The following CNNM2 variants were observed in gnomAD, a reference collection of about 807,000 sequenced individuals.
CNNM2 encodes the protein cyclin and CBS domain divalent metal cation transport mediator 2, also known as metal transporter CNNM2.
CNNM2 carries 12 observed loss-of-function variants against 66.9 expected under a neutral mutation model. The observed-to-expected ratio is 0.18, with a 90% CI of 0.11 to 0.29. CNNM2 has a LOEUF of 0.29. Ranked by LOEUF, CNNM2 falls within the 10% of genes least tolerant of loss-of-function variation. The pLI, the probability that CNNM2 is intolerant of heterozygous loss-of-function variation, is 1.00. For missense variants in CNNM2, 705 were observed against 1,167.7 expected (o/e 0.60, Z 5.77); for synonymous variants, 557 against 501.8 (o/e 1.11, Z -1.47).
At position 102,919,590 on chromosome 10, in the gene CNNM2, T is replaced by C. The variant is rs1322147471; in HGVS notation, c.1110T>C (p.Ala370=). 3.1e-6 allele frequency: 5 copies of C among 1,613,608 alleles called. No individual in the cohort carries two copies. In the Admixed American group the frequency reaches 8.3e-5, roughly 27 times the overall value. The change falls in exon 1 of 8, where the codon GCT becomes GCC. Residue 370 remains alanine, a synonymous_variant. Coordinates refer to ENST00000369878, the MANE Select transcript of CNNM2 (RefSeq NM_017649.5). ...CCATCTGCTCCCGGCATGGCCTGGC[T>C]GTGGGGGCCAACACCATCTTCCTCA... ...PQAICSRHGL[A]VGANTIFLTK... is the part of the protein sequence containing the mutation.
chr10:103,009,109 T>C (rs1275924728), intron 1 of CNNM2, among the ~76,000 whole-genome samples: 1 of 152,072 alleles, frequency 6.6e-6, no homozygotes, highest in Non-Finnish European at 1.5e-5. Flanking sequence ...AAACCCTGTC[T>C]CTACTAAAAA....
chr10:103,018,965 C>G (rs1415107158), intron 1 of CNNM2, among the ~76,000 whole-genome samples: 1 of 148,982 alleles, frequency 6.7e-6, no homozygotes, highest in African/African-American at 2.4e-5. Context: ...CTGTTTACTC[C>G]TTTCTTAAAA....
intron 1 of CNNM2, among the ~76,000 whole-genome samples, chr10:102,956,205 G>T (rs528284708): frequency 5.3e-5 from 8 of 150,772 alleles, no homozygotes; most frequent in Non-Finnish European, 1.0e-4. Flanking sequence ...GGAGAATGGC[G>T]TGAACCCAGG....
intron 1 of CNNM2, among the ~76,000 whole-genome samples, chr10:103,026,989 G>A (rs1303972746): frequency 6.6e-6 from 1 of 152,174 alleles, no homozygotes; most frequent in Non-Finnish European, 1.5e-5. Flanking sequence ...ATTCATGACT[G>A]GCCATATTGA....
chr10:102,919,642 C>T lies in CNNM2; in HGVS notation c.1162C>T (p.Pro388Ser). The change falls in exon 1 of 8, where the codon CCC (proline) becomes TCC (serine). Residue 388 changes from proline (P) to serine (S), a missense_variant. Transcript: ENST00000369878. ...LTKFFMMMTF[P>S]ASYPVSKLLD... is the part of the protein sequence containing the mutation. Reference sequence around the variant, plus strand: ...CAAGTTTTTCATGATGATGACCTTCCCCGCTTCCTACCCGGTCAGCAAGCT... The same window carrying T: ...CAAGTTTTTCATGATGATGACCTTCTCCGCTTCCTACCCGGTCAGCAAGCT... The T allele has an allele frequency of 6.2e-7, 1 of 1,614,110 alleles. No individual in the cohort carries two copies. The highest frequency in any genetic ancestry group is 8.5e-7 in the Non-Finnish European group (1 of 1,180,040).
intron 1 of CNNM2, among the ~76,000 whole-genome samples, chr10:102,995,151 C>CTT (rs2134247077): frequency 2.1e-5 from 1 of 48,690 alleles, no homozygotes. Context: ...TCTTCCTCCT[C>CTT]CCCCTCTTCC....
At chr10:103,026,601 CAAAAA>C (rs887780071) in intron 1 of CNNM2, among the ~76,000 whole-genome samples, 4 of 64,918 alleles carry the variant, frequency 6.2e-5, no homozygotes, top group Admixed American at 1.9e-4. Context: ...ACCTTGTCTT[CAAAAA>C]AAAAAAAAAA....
At chr10:102,978,103 G>A (rs191486977) in intron 1 of CNNM2, among the ~76,000 whole-genome samples, 122 of 151,830 alleles carry the variant, frequency 8.0e-4, no homozygotes, top group African/African-American at 2.6e-3. Context: ...TAGAGACAGC[G>A]TTTCACCATG....
intron 1 of CNNM2, among the ~76,000 whole-genome samples, chr10:102,936,863 G>A (rs951671114): frequency 1.3e-5 from 2 of 152,172 alleles, no homozygotes; most frequent in Non-Finnish European, 2.9e-5. Context: ...TCAAAATAAA[G>A]TGCAAGTTTT....
At chr10:102,943,984 G>A (rs751903673) in intron 1 of CNNM2, among the ~76,000 whole-genome samples, 29 of 151,812 alleles carry the variant, frequency 1.9e-4, no homozygotes, top group Non-Finnish European at 4.0e-4. Context: ...TAAGGGATCC[G>A]TAAGTTTACA....
At chr10:102,948,879 T>TACTGAG (rs140891082) in intron 1 of CNNM2, among the ~76,000 whole-genome samples, 1 of 151,392 alleles carries the variant, frequency 6.6e-6, no homozygotes, top group African/African-American at 2.4e-5. Context: ...CTTTCAATGA[T>TACTGAG]AGAGAGAGAG....
At chr10:103,055,165 C>T (rs2065275949) in intron 3 of CNNM2, among the ~76,000 whole-genome samples, 2 of 152,200 alleles carry the variant, frequency 1.3e-5, no homozygotes, top group South Asian at 4.1e-4. Flanking sequence ...ACCAACCCTT[C>T]TCCCATCCCC....
At chr10:102,927,242 C>A in intron 1 of CNNM2, 2 of 1,458,212 alleles carry the variant, frequency 1.4e-6, no homozygotes, top group Non-Finnish European at 9.5e-7. Flanking sequence ...ATTTGCTTGA[C>A]ATATAAAGAG....
intron 1 of CNNM2, among the ~76,000 whole-genome samples, chr10:103,039,179 C>G (rs1287994969): frequency 6.6e-6 from 1 of 151,872 alleles, no homozygotes; most frequent in Non-Finnish European, 1.5e-5. Flanking sequence ...GAGTCTCGCT[C>G]TGTCAGCCAG....
intron 3 of CNNM2, among the ~76,000 whole-genome samples, chr10:103,056,015 G>A (rs985220331): frequency 4.6e-5 from 7 of 151,750 alleles, no homozygotes; most frequent in African/African-American, 1.7e-4. Flanking sequence ...TTGAACCCGG[G>A]AGGTGGCGGT....
At position 102,918,474 on chromosome 10, in the gene CNNM2, C is replaced by A; in HGVS notation, c.-7C>A. Reference sequence around the variant, plus strand: ...AAGGATGAAGCCGCAGCTGGAGCAGCCACCCTATGATTGGCTGTGGCGCTT... The same window carrying A: ...AAGGATGAAGCCGCAGCTGGAGCAGACACCCTATGATTGGCTGTGGCGCTT... On this transcript the variant is annotated 5_prime_UTR_variant, in exon 1 of 8. Coordinates refer to ENST00000369878, the MANE Select transcript of CNNM2 (RefSeq NM_017649.5). This position sits in a 1 kb window ranked among gnomAD's most constrained non-coding sequence, Gnocchi z 4.1. 1 of 1,603,290 alleles carries A rather than the reference C, an allele frequency of 6.2e-7. No individual in the cohort carries two copies.
intron 1 of CNNM2, among the ~76,000 whole-genome samples, chr10:103,030,659 G>A (rs2064805587): frequency 1.3e-5 from 2 of 152,184 alleles, no homozygotes; most frequent in South Asian, 4.1e-4. Flanking sequence ...AGTGAGCTGA[G>A]ATCATGCCAC....
intron 2 of CNNM2, 125 bp downstream of exon 2, chr10:103,049,975 G>A (rs192803762): frequency 1.4e-4 from 114 of 840,754 alleles, no homozygotes; most frequent in African/African-American, 9.1e-4. Context: ...TGTGTAGGCC[G>A]TGCACAACCT....
chr10:103,039,154 T>C (rs1178116363), intron 1 of CNNM2, among the ~76,000 whole-genome samples: 1 of 151,320 alleles, frequency 6.6e-6, no homozygotes, highest in African/African-American at 2.4e-5. Context: ...TTTTTTTTGC[T>C]TTTTTTTTGA....
Sources: allele counts gnomAD v4.1 joint callset (sites outside exome capture counted in the v4.1 genomes callset), GRCh38; gene constraint gnomAD v4.1.1; non-coding constraint Gnocchi (gnomAD v3.1); transcripts MANE v1.5; gene names NCBI Gene and HGNC (gene_info 2026-07-23, HGNC 2026-07-21).